Variants in RIMS2 observed in about 807,000 individuals in gnomAD.
RIMS2 encodes regulating synaptic membrane exocytosis protein 2.
In RIMS2, 59 loss-of-function variants were observed where a neutral mutation model predicts 174.4. The ratio of observed to expected loss-of-function variants is 0.34; its 90% CI spans 0.27 to 0.42. The LOEUF is 0.42. RIMS2 is among the 10% of genes least tolerant of loss of function. The pLI is 1.00. For missense variants in RIMS2, 1,620 were observed against 1,666.3 expected, an observed-to-expected ratio of 0.97 and a Z score of 0.48; for synonymous variants, 606 against 572.5, an observed-to-expected ratio of 1.06 and a Z score of -0.84.
At chr8:103,696,413 T>G (rs1332887694) in intron 1 of RIMS2, among the ~76,000 whole-genome samples, 2 of 152,170 alleles carry the variant, frequency 1.3e-5, no homozygotes, top group Non-Finnish European at 1.5e-5. Flanking sequence ...CAAATTAGCT[T>G]TCTGTATTTC....
At chr8:104,093,634 A>G (rs2097701309) in intron 19 of RIMS2, 1 of 1,594,698 alleles carries the variant, frequency 6.3e-7, no homozygotes, top group Non-Finnish European at 8.5e-7. Context: ...GGAGGAAACA[A>G]GAAAATCAGG....
chr8:103,722,149 C>A (rs1011433061), intron 2 of RIMS2, among the ~76,000 whole-genome samples: 2 of 151,884 alleles, frequency 1.3e-5, no homozygotes, highest in Admixed American at 6.6e-5. Flanking sequence ...GTGGGCAGAT[C>A]ACTTGAGGCC....
At chr8:103,857,140 G>A (rs1466699333) in intron 3 of RIMS2, among the ~76,000 whole-genome samples, 2 of 152,120 alleles carry the variant, frequency 1.3e-5, no homozygotes, top group African/African-American at 4.8e-5. Context: ...ATTTTACTCA[G>A]GATGGTTCAT....
At chr8:103,613,724 G>A (rs745766484) in intron 1 of RIMS2, among the ~76,000 whole-genome samples, 5 of 152,060 alleles carry the variant, frequency 3.3e-5, no homozygotes, top group East Asian at 3.9e-4. Flanking sequence ...TGGTTATTCC[G>A]GGACCAAGGG....
chr8:104,032,645 G>A (rs1317651992), intron 19 of RIMS2, among the ~76,000 whole-genome samples: 3 of 151,922 alleles, frequency 2.0e-5, no homozygotes, highest in Non-Finnish European at 4.4e-5. Context: ...AGAATACATT[G>A]AAATTTTCAT....
At chr8:103,862,651 G>A (rs2099064834) in intron 3 of RIMS2, among the ~76,000 whole-genome samples, 1 of 152,006 alleles carries the variant, frequency 6.6e-6, no homozygotes, top group Admixed American at 6.6e-5. Flanking sequence ...TCTTTTATCA[G>A]TGTTTTGTAG....
At chr8:104,085,364 A>T (rs763765739) in intron 19 of RIMS2, among the ~76,000 whole-genome samples, 1 of 152,216 alleles carries the variant, frequency 6.6e-6, no homozygotes, top group Non-Finnish European at 1.5e-5. Context: ...CATACCAGCT[A>T]TGTTAGCTCA....
chr8:103,949,308 T>G (rs1368236170), intron 14 of RIMS2, among the ~76,000 whole-genome samples: 2 of 152,160 alleles, frequency 1.3e-5, no homozygotes, highest in Non-Finnish European at 2.9e-5. Flanking sequence ...TTGAAGGTTT[T>G]ATCTGACATT....
intron 16 of RIMS2, among the ~76,000 whole-genome samples, chr8:103,981,756 A>G (rs2093922258): frequency 6.6e-6 from 1 of 152,102 alleles, no homozygotes; most frequent in African/African-American, 2.4e-5. Context: ...TAAAGAACGC[A>G]TCAATGTCCC....
chr8:103,598,179 G>A (rs757652731), intron 1 of RIMS2, among the ~76,000 whole-genome samples: 17 of 152,204 alleles, frequency 1.1e-4, no homozygotes, highest in Admixed American at 9.2e-4. Context: ...CAGATTTCCC[G>A]TAGAAACCTT....
At chr8:104,003,395 G>A (rs1458024793) in intron 17 of RIMS2, among the ~76,000 whole-genome samples, 1 of 151,838 alleles carries the variant, frequency 6.6e-6, no homozygotes, top group Non-Finnish European at 1.5e-5. Context: ...GAATGATAGA[G>A]AGTGTTCCAC....
intron 15 of RIMS2, among the ~76,000 whole-genome samples, chr8:103,974,760 C>A (rs543617454): frequency 6.6e-5 from 10 of 152,212 alleles, no homozygotes; most frequent in Non-Finnish European, 7.3e-5. Flanking sequence ...TGCAGTGGCA[C>A]GGGCCTGTAG....
At chr8:104,125,744 T>C (rs2098423335) in intron 19 of RIMS2, among the ~76,000 whole-genome samples, 1 of 152,174 alleles carries the variant, frequency 6.6e-6, no homozygotes, top group African/African-American at 2.4e-5. Flanking sequence ...GACTACCTGT[T>C]CTTAAATGTA....
intron 1 of RIMS2, among the ~76,000 whole-genome samples, chr8:103,618,175 A>G (rs1236884203): frequency 1.3e-5 from 2 of 152,166 alleles, no homozygotes; most frequent in Non-Finnish European, 2.9e-5. Context: ...TGAAGATCAT[A>G]TCTTTTGCAG....
intron 2 of RIMS2, among the ~76,000 whole-genome samples, chr8:103,700,091 G>GT (rs1242013733): frequency 2.6e-5 from 4 of 152,030 alleles, no homozygotes; most frequent in Admixed American, 2.0e-4. Flanking sequence ...GGCCAGTTTC[G>GT]TTGATAGAGT....
At chr8:103,706,470 T>G (rs10107602) in intron 2 of RIMS2, among the ~76,000 whole-genome samples, 1,764 of 152,220 alleles carry the variant, frequency 0.012, 31 homozygotes, top group African/African-American at 0.039. Context: ...CCTTTTGCAT[T>G]TCTTGTAAAA....
At chr8:103,932,656 T>G (rs778996906) in intron 12 of RIMS2, among the ~76,000 whole-genome samples, 2 of 152,224 alleles carry the variant, frequency 1.3e-5, no homozygotes, top group Non-Finnish European at 2.9e-5. Context: ...AAACATATTT[T>G]TAAGACGATT....
chr8:103,956,165 G>T (rs1258742491), intron 14 of RIMS2, among the ~76,000 whole-genome samples: 1 of 152,046 alleles, frequency 6.6e-6, no homozygotes, highest in African/African-American at 2.4e-5. Flanking sequence ...ACTCAAAATG[G>T]CCATACTGCC....
chr8:104,216,656 G>C (rs1028709942), intron 19 of RIMS2, among the ~76,000 whole-genome samples: 1 of 152,188 alleles, frequency 6.6e-6, no homozygotes, highest in Non-Finnish European at 1.5e-5. Flanking sequence ...TCATAGGATT[G>C]TGTGTGTATT....
Sources: allele counts gnomAD v4.1 joint callset (sites outside exome capture counted in the v4.1 genomes callset), GRCh38; gene constraint gnomAD v4.1.1; transcripts MANE v1.5; gene names NCBI Gene and HGNC (gene_info 2026-07-23, HGNC 2026-07-21).